Variants in SEC14L1 observed in about 807,000 individuals in gnomAD.
The protein encoded by SEC14L1 is SEC14 like lipid binding 1, also known as SEC14-like protein 1.
SEC14L1 carries 48 observed loss-of-function variants against 85.3 expected under a neutral mutation model. That is an observed-to-expected ratio of 0.56 (90% confidence interval 0.45 to 0.72). SEC14L1 has a LOEUF of 0.72. Ranked by LOEUF, SEC14L1 falls within the 30% of genes least tolerant of loss-of-function variation. The pLI, the probability that SEC14L1 is intolerant of heterozygous loss-of-function variation, is 0.00. For synonymous variants in SEC14L1, 391 were observed against 355.5 expected, an observed-to-expected ratio of 1.10 and a Z score of -1.12; for missense variants, 682 against 921.4, an observed-to-expected ratio of 0.74 and a Z score of 3.36.
intron 3 of SEC14L1, among the ~76,000 whole-genome samples, chr17:77,165,298 GAC>G (rs899948066): frequency 6.6e-6 from 1 of 152,156 alleles, no homozygotes; most frequent in African/African-American, 2.4e-5. Context: ...ACGTGCCTGT[GAC>G]ACAGCCTCAG....
At chr17:77,091,215 A>G (rs1305349804) in intron 2 of SEC14L1, among the ~76,000 whole-genome samples, 1 of 151,962 alleles carries the variant, frequency 6.6e-6, no homozygotes, top group East Asian at 1.9e-4. Flanking sequence ...AGCCTCCCAA[A>G]TAGCTGAGAT....
intron 3 of SEC14L1, among the ~76,000 whole-genome samples, chr17:77,184,176 G>A (rs1032370370): frequency 6.6e-6 from 1 of 152,148 alleles, no homozygotes; most frequent in Non-Finnish European, 1.5e-5. Flanking sequence ...GCTGCATCAC[G>A]CCAGGCTCTG....
At chr17:77,161,862 C>T (rs1444104407) in intron 3 of SEC14L1, among the ~76,000 whole-genome samples, 5 of 150,082 alleles carry the variant, frequency 3.3e-5, no homozygotes, top group African/African-American at 1.2e-4. Flanking sequence ...CTTCCCTCCC[C>T]TCCCCTCCCC....
chr17:77,127,890 G>A (rs1218492373), intron 3 of SEC14L1: 1 of 152,388 alleles, frequency 6.6e-6, no homozygotes, highest in African/African-American at 2.4e-5. Flanking sequence ...GGAGAAGGTG[G>A]AAGTGGAGAC....
intron 3 of SEC14L1, among the ~76,000 whole-genome samples, chr17:77,166,863 A>G (rs1974305376): frequency 6.6e-6 from 1 of 152,174 alleles, no homozygotes; most frequent in Non-Finnish European, 1.5e-5. Flanking sequence ...AGAAAAAAAC[A>G]AAAATAAATA....
At chr17:77,138,995 C>T (rs1972876516), upstream of SEC14L1, among the ~76,000 whole-genome samples, 1 of 152,118 alleles carries the variant, frequency 6.6e-6, no homozygotes, top group Admixed American at 6.5e-5. Context: ...TGACCATTCC[C>T]CTCTTTTTTT....
At chr17:77,123,081 C>T (rs1184869074) in intron 3 of SEC14L1, among the ~76,000 whole-genome samples, 7 of 150,276 alleles carry the variant, frequency 4.7e-5, no homozygotes, top group Non-Finnish European at 8.9e-5. Context: ...GATGGAGTCT[C>T]ACTCTATTGC....
chr17:77,206,641 T>C lies in SEC14L1; in HGVS notation c.1342-87T>C. The C allele has an allele frequency of 7.1e-7, 1 of 1,400,240 alleles. No homozygotes were observed. The allele number at this position is 1,400,240 out of a possible 1,614,324, so 86.7% of individuals were successfully genotyped here. A position where few individuals can be genotyped will look rare whatever the true frequency, so the allele number is the denominator to read the frequency against. ...AAACTTGAATGTCTTCCCCCCACCCTCCCACTCAGAATACCACATTGTCAT... is the reference window on the plus strand; with the variant it reads ...AAACTTGAATGTCTTCCCCCCACCCCCCCACTCAGAATACCACATTGTCAT... On this transcript the variant is annotated intron_variant, in intron 12 of 16. Transcript: ENST00000436233. The surrounding 1 kb of genome is among the most constrained non-coding windows in gnomAD (Gnocchi z 4.3).
intron 3 of SEC14L1, among the ~76,000 whole-genome samples, chr17:77,152,997 A>G (rs1396316241): frequency 1.3e-5 from 2 of 152,214 alleles, no homozygotes. Flanking sequence ...TACAGCAAAT[A>G]GGCTGTAAGG....
intron 3 of SEC14L1, among the ~76,000 whole-genome samples, chr17:77,176,958 G>C (rs940286892): frequency 6.6e-6 from 1 of 152,114 alleles, no homozygotes; most frequent in African/African-American, 2.4e-5. Context: ...GGATTTTGAC[G>C]ATGCAACTTT....
intron 7 of SEC14L1, among the ~76,000 whole-genome samples, chr17:77,195,573 C>T (rs959089381): frequency 2.0e-5 from 3 of 152,108 alleles, no homozygotes; most frequent in African/African-American, 7.2e-5. Flanking sequence ...GTGCAGCCTT[C>T]GTCTCCTGGG....
intron 3 of SEC14L1, among the ~76,000 whole-genome samples, chr17:77,171,361 G>A (rs1485312982): frequency 2.6e-5 from 4 of 152,130 alleles, no homozygotes; most frequent in Non-Finnish European, 4.4e-5. Context: ...TGTTTGTTAT[G>A]GGAAAAGACG....
intron 5 of SEC14L1, among the ~76,000 whole-genome samples, chr17:77,191,772 A>G (rs1344875171): frequency 1.3e-5 from 2 of 149,154 alleles, no homozygotes; most frequent in Non-Finnish European, 3.0e-5. Context: ...GGAACTCCTG[A>G]CCTCACGTGA....
At chr17:77,151,987 T>C (rs1032044658) in intron 3 of SEC14L1, among the ~76,000 whole-genome samples, 2 of 152,170 alleles carry the variant, frequency 1.3e-5, no homozygotes, top group Non-Finnish European at 2.9e-5. Flanking sequence ...ATTATTTTTA[T>C]TTTTTTGAGA....
chr17:77,125,935 A>G (rs1006551005), intron 3 of SEC14L1, among the ~76,000 whole-genome samples: 3 of 152,218 alleles, frequency 2.0e-5, no homozygotes, highest in African/African-American at 7.2e-5. Context: ...GCAAATCACC[A>G]GAGGTCAGGA....
chr17:77,185,272 G>T, intron 3 of SEC14L1: 1 of 985,440 alleles, frequency 1.0e-6, no homozygotes, highest in Non-Finnish European at 1.2e-6. Context: ...TAAGGGAGGC[G>T]CTTGCTAACT....
In SEC14L1 at chr17:77,132,061, G is replaced by A. The variant is rs73998620; in HGVS notation, c.-135-10585G>A. 1.2e-4 allele frequency among the ~76,000 whole-genome samples: 18 copies of A among 152,224 alleles called. 1 individual carries two copies. The highest frequency in any genetic ancestry group is 3.1e-4 in the African/African-American group (13 of 41,526). ...ATTGCCAGGGCTCAATTAGGAAATC[G>A]TGCCTGTAGGGTAACCTACATTTTC... On this transcript the variant is annotated intron_variant, in intron 3 of 19. Transcript: ENST00000392476.
chr17:77,113,959 CA>C (rs1972109181), intron 3 of SEC14L1, among the ~76,000 whole-genome samples: 1 of 152,138 alleles, frequency 6.6e-6, no homozygotes, highest in African/African-American at 2.4e-5. Context: ...CCACCTTGTG[CA>C]GAGATTCAAT....
At chr17:77,184,784 GA>G (rs1365734978) in intron 3 of SEC14L1, among the ~76,000 whole-genome samples, 1 of 152,194 alleles carries the variant, frequency 6.6e-6, no homozygotes, top group African/African-American at 2.4e-5. Flanking sequence ...CCTTCCAATG[GA>G]AAGAGCTAGG....
Sources: gnomAD v4.1 joint callset for allele counts (sites outside exome capture counted in the v4.1 genomes callset) on GRCh38, gnomAD v4.1.1 for gene constraint, Gnocchi (gnomAD v3.1) non-coding constraint, MANE v1.5 for transcripts, NCBI Gene and HGNC (gene_info 2026-07-23, HGNC 2026-07-21) for gene names.